The following UBE3D variants were observed in gnomAD, a reference collection of about 807,000 sequenced individuals.
UBE3D encodes E3 ubiquitin-protein ligase E3D.
UBE3D carries 48 observed loss-of-function variants against 49.6 expected under a neutral mutation model. The ratio of observed to expected loss-of-function variants is 0.97; its 90% CI spans 0.77 to 1.23. UBE3D has a LOEUF of 1.23. Ranked by LOEUF, UBE3D falls within the 50% of genes most tolerant of loss-of-function variation. The pLI is 0.00. For synonymous variants in UBE3D, 189 were observed against 174.2 expected (o/e 1.08, Z -0.67); for missense variants, 452 against 468.4 (o/e 0.96, Z 0.32).
chr6:83,043,772 C>T (rs966007063), intron 4 of UBE3D, among the ~76,000 whole-genome samples: 2 of 152,162 alleles, frequency 1.3e-5, no homozygotes, highest in African/African-American at 4.8e-5. Context: ...CAGTGGAATG[C>T]TTTCTCACAT....
At chr6:82,895,799 A>T (rs901720969) in intron 9 of UBE3D, among the ~76,000 whole-genome samples, 1 of 152,224 alleles carries the variant, frequency 6.6e-6, no homozygotes, top group African/African-American at 2.4e-5. Flanking sequence ...TTCCCACTAT[A>T]ACTTTACAGA....
At chr6:83,055,509 A>G (rs1783758425) in intron 2 of UBE3D, among the ~76,000 whole-genome samples, 1 of 152,214 alleles carries the variant, frequency 6.6e-6, no homozygotes, top group Non-Finnish European at 1.5e-5. Flanking sequence ...GGAATCCAAA[A>G]TATTTTTTCC....
chr6:82,887,028 A>G, the UBE3D span, among the ~76,000 whole-genome samples: 1 of 152,100 alleles, frequency 6.6e-6, no homozygotes, highest in South Asian at 2.1e-4. Flanking sequence ...ATTTGGGCCT[A>G]GTGCAGTGGC....
At chr6:82,964,769 T>G (rs1336740228) in intron 8 of UBE3D, among the ~76,000 whole-genome samples, 1 of 152,188 alleles carries the variant, frequency 6.6e-6, no homozygotes, top group Non-Finnish European at 1.5e-5. Context: ...AATACAACAT[T>G]TTGAAACATC....
the UBE3D span, among the ~76,000 whole-genome samples, chr6:82,887,389 G>GTTT: frequency 2.5e-4 from 25 of 98,320 alleles, no homozygotes; most frequent in African/African-American, 1.1e-3. Context: ...GACAGTAACA[G>GTTT]TTTTTTTTTT....
chr6:82,953,520 T>C (rs370878201), intron 9 of UBE3D, among the ~76,000 whole-genome samples: 4 of 152,348 alleles, frequency 2.6e-5, no homozygotes, highest in South Asian at 4.1e-4. Context: ...GCCCTGAGTG[T>C]ATACTGTACG....
intron 4 of UBE3D, among the ~76,000 whole-genome samples, chr6:83,042,740 T>C (rs1435746506): frequency 6.6e-6 from 1 of 152,184 alleles, no homozygotes; most frequent in African/African-American, 2.4e-5. Context: ...AAAAAATGTT[T>C]CCCAAGAGAT....
chr6:82,882,195 G>T, the UBE3D span, among the ~76,000 whole-genome samples: 34 of 152,276 alleles, frequency 2.2e-4, no homozygotes, highest in Admixed American at 1.7e-3. Flanking sequence ...ATTAAAAAAG[G>T]CTTGACTGGC....
In UBE3D at chr6:83,023,980, A is replaced by T; in HGVS notation, c.726T>A (p.Pro242=). ...TTTGCTATTTGTACCTTGGTATGAT[A>T]GGAAAACTCCTCTCAGATGACTGAA... ...IIIQSSERSF[P]IIPRSWFVQS... Residue 242 remains proline (P), a synonymous_variant, in exon 6 of 10, where the codon CCT becomes CCA. Coordinates refer to ENST00000369747, the MANE Select transcript of UBE3D (RefSeq NM_198920.3). 2 of 1,535,336 alleles carry T rather than the reference A, an allele frequency of 1.3e-6. No individual in the cohort carries two copies. Among genetic ancestry groups the T allele is most frequent in the East Asian group, 2.4e-5 (1 of 41,904 alleles).
intron 1 of UBE3D, 137 bp downstream of exon 1, chr6:83,065,505 T>C (rs1784432611): frequency 5.2e-6 from 4 of 776,374 alleles, no homozygotes; most frequent in Non-Finnish European, 8.2e-6. Flanking sequence ...AAAGCTTCAC[T>C]TTGAGTGATC....
chr6:82,927,414 A>G (rs1170302119), intron 9 of UBE3D, among the ~76,000 whole-genome samples: 4 of 152,008 alleles, frequency 2.6e-5, no homozygotes, highest in Non-Finnish European at 2.9e-5. Flanking sequence ...CAGATTTTCA[A>G]TGGGATTGCA....
chr6:82,912,138 C>T (rs1033284548), intron 9 of UBE3D, among the ~76,000 whole-genome samples: 4 of 152,104 alleles, frequency 2.6e-5, no homozygotes, highest in South Asian at 4.1e-4. Context: ...CACAGTCCTT[C>T]CTCCCTTCCC....
chr6:82,993,388 C>T (rs1779031245), intron 8 of UBE3D, among the ~76,000 whole-genome samples: 1 of 152,102 alleles, frequency 6.6e-6, no homozygotes, highest in Non-Finnish European at 1.5e-5. Context: ...ACAGTCATCC[C>T]TCAGTATCCA....
At chr6:82,900,599 C>T (rs1177298561) in intron 9 of UBE3D, among the ~76,000 whole-genome samples, 2 of 152,150 alleles carry the variant, frequency 1.3e-5, no homozygotes, top group Non-Finnish European at 2.9e-5. Flanking sequence ...CGCTTTCTGA[C>T]CCACTGTGAA....
chr6:82,963,803 A>T (rs928506677), intron 8 of UBE3D, among the ~76,000 whole-genome samples: 3 of 152,182 alleles, frequency 2.0e-5, no homozygotes, highest in Admixed American at 2.0e-4. Flanking sequence ...AACTGAGTTG[A>T]CATTCAGTAT....
At chr6:82,998,181 C>T (rs1032254828) in intron 8 of UBE3D, among the ~76,000 whole-genome samples, 2 of 152,216 alleles carry the variant, frequency 1.3e-5, no homozygotes, top group Admixed American at 1.3e-4. Flanking sequence ...ACAGTGGGAA[C>T]TCCAATAATT....
chr6:82,976,168 T>TGGAGATC (rs1777704344), intron 8 of UBE3D, among the ~76,000 whole-genome samples: 1 of 152,208 alleles, frequency 6.6e-6, no homozygotes, highest in Non-Finnish European at 1.5e-5. Flanking sequence ...GTGGCTTCTT[T>TGGAGATC]GGAGATCGGT....
intron 8 of UBE3D, among the ~76,000 whole-genome samples, chr6:82,979,742 A>AC (rs1325132717): frequency 6.6e-6 from 1 of 151,766 alleles, no homozygotes; most frequent in South Asian, 2.1e-4. Flanking sequence ...ATTTCTCATT[A>AC]CCCCCCTCAC....
Position 83,065,709 on chromosome 6 carries a change from A to C in UBE3D, c.10T>G (p.Ser4Ala), listed in dbSNP as rs1160271621. Reference sequence around the variant, plus strand: ...AGAAACACGCGCGTCTCCGCCGCAGAAGCCGCCATGGCAGGCTTCCAGTCC... The same window carrying C: ...AGAAACACGCGCGTCTCCGCCGCAGCAGCCGCCATGGCAGGCTTCCAGTCC... MAA[S>A]AAETRVFLEV... Residue 4 changes from serine (S) to alanine (A), a missense_variant, in exon 1 of 10, where the codon TCT (serine) becomes GCT (alanine). By Grantham distance (99) the Ser-to-Ala change is moderately conservative. Coordinates refer to ENST00000369747, the MANE Select transcript of UBE3D (RefSeq NM_198920.3). 6.2e-7 allele frequency: 1 copy of C among 1,611,436 alleles called. No individual in the cohort carries two copies. The highest frequency in any genetic ancestry group is 8.5e-7 in the Non-Finnish European group (1 of 1,179,076).
Sources: gnomAD v4.1 joint callset for allele counts (sites outside exome capture counted in the v4.1 genomes callset) on GRCh38, gnomAD v4.1.1 for gene constraint, MANE v1.5 for transcripts, NCBI Gene and HGNC (gene_info 2026-07-23, HGNC 2026-07-21) for gene names.